GSE1: variants seen among roughly 807,000 people sequenced by gnomAD.
GSE1 encodes genetic suppressor element 1.
GSE1 carries 32 observed loss-of-function variants against 112.6 expected under a neutral mutation model. The ratio of observed to expected loss-of-function variants is 0.28; its 90% CI spans 0.21 to 0.38. The LOEUF is 0.38. Ranked by LOEUF, GSE1 falls within the 10% of genes least tolerant of loss-of-function variation. The pLI, the probability that GSE1 is intolerant of heterozygous loss-of-function variation, is 1.00. For missense variants in GSE1, 2,348 were observed against 1,699.2 expected (o/e 1.38, Z -6.71); for synonymous variants, 1,115 against 735.6 (o/e 1.52, Z -8.35).
At chr16:85,270,567 C>A (rs1033657483) in intron 1 of GSE1, among the ~76,000 whole-genome samples, 5 of 148,644 alleles carry the variant, frequency 3.4e-5, no homozygotes, top group African/African-American at 1.2e-4. Flanking sequence ...CAGTGGGGGC[C>A]GATTTTATTA....
intron 1 of GSE1, among the ~76,000 whole-genome samples, chr16:85,616,574 C>T (rs2048384463): frequency 6.6e-6 from 1 of 152,232 alleles, no homozygotes; most frequent in Non-Finnish European, 1.5e-5. Flanking sequence ...AACCACAGGG[C>T]TTCCCCTCCC....
At chr16:85,237,161 T>TA (rs1165869305) in intron 1 of GSE1, among the ~76,000 whole-genome samples, 1 of 151,924 alleles carries the variant, frequency 6.6e-6, no homozygotes, top group Non-Finnish European at 1.5e-5. Context: ...CCGCCTCTAC[T>TA]AAAAATAGAA....
chr16:85,267,886 G>A lies in GSE1; in HGVS notation c.2284-89577G>A, dbSNP rs1473156288. On this transcript the variant is annotated intron_variant, in intron 1 of 2. Coordinates refer to the GSE1 transcript ENST00000637419. ...AGATTCAAACCCCAGCTCTGCCACA[G>A]ACTAACCGTCGGCCCCAGCTAAGTG... 2.0e-5 allele frequency among the ~76,000 whole-genome samples: 3 copies of A among 152,214 alleles called. No individual in the cohort carries two copies. The East Asian group carries it at 5.8e-4, about 29-fold the overall frequency.
At chr16:85,483,610 T>C (rs1028570938) in intron 2 of GSE1, among the ~76,000 whole-genome samples, 1 of 152,250 alleles carries the variant, frequency 6.6e-6, no homozygotes, top group Non-Finnish European at 1.5e-5. Context: ...TGGTAGGCCC[T>C]GTGGGATCAA....
At chr16:85,531,438 C>T (rs1191611967) in intron 2 of GSE1, among the ~76,000 whole-genome samples, 1 of 152,046 alleles carries the variant, frequency 6.6e-6, no homozygotes, top group Non-Finnish European at 1.5e-5. Context: ...TCTCATAGGG[C>T]ATGTCTCTGT....
At chr16:85,215,698 T>G (rs2075296867) in intron 1 of GSE1, among the ~76,000 whole-genome samples, 1 of 152,234 alleles carries the variant, frequency 6.6e-6, no homozygotes, top group South Asian at 2.1e-4. Context: ...TGCCCCGCAC[T>G]GTTCCAGCAC....
chr16:85,641,757 T>C (rs1402275635), intron 2 of GSE1, among the ~76,000 whole-genome samples: 1 of 152,236 alleles, frequency 6.6e-6, no homozygotes, highest in African/African-American at 2.4e-5. Flanking sequence ...CCCGTTCCAC[T>C]GGGCAGATTT....
intron 1 of GSE1, among the ~76,000 whole-genome samples, chr16:85,590,345 G>A (rs979139654): frequency 6.7e-6 from 1 of 150,028 alleles, no homozygotes; most frequent in Non-Finnish European, 1.5e-5. Flanking sequence ...TGATTAACGC[G>A]TGGGCCTGCT....
In GSE1 at chr16:85,620,990, G is replaced by T. The variant is rs556672281; in HGVS notation, c.7+7592G>T. On this transcript the variant is annotated intron_variant, in intron 1 of 15. Coordinates refer to ENST00000253458, the MANE Select transcript of GSE1 (RefSeq NM_014615.5). ...CCCGTGTAGATGGTCTCGGCCCGGG[G>T]TCTCTGCTGTGTTGGGGAATCCGTT... Among the ~76,000 whole-genome samples, 43 of 151,228 alleles carry T rather than the reference G, an allele frequency of 2.8e-4. No individual in the cohort carries two copies. The East Asian group carries it at 4.3e-3, about 15-fold the overall frequency.
chr16:85,343,465 T>G (rs1365629029), intron 1 of GSE1, among the ~76,000 whole-genome samples: 1 of 152,082 alleles, frequency 6.6e-6, no homozygotes, highest in Non-Finnish European at 1.5e-5. Flanking sequence ...GCTTAAAAAG[T>G]TTGCCCGGCC....
At chr16:85,252,948 G>A (rs984920938) in intron 1 of GSE1, among the ~76,000 whole-genome samples, 3 of 152,176 alleles carry the variant, frequency 2.0e-5, no homozygotes, top group East Asian at 1.9e-4. Flanking sequence ...CCACAGGGAG[G>A]TGGAAGGGAA....
chr16:85,301,912 C>A (rs907082300), intron 1 of GSE1, among the ~76,000 whole-genome samples: 1 of 152,370 alleles, frequency 6.6e-6, no homozygotes, highest in African/African-American at 2.4e-5. Context: ...CAAGCCTTGT[C>A]TGGAAATCAG....
intron 11 of GSE1, among the ~76,000 whole-genome samples, chr16:85,664,379 C>T (rs957720410): frequency 2.6e-5 from 4 of 151,970 alleles, no homozygotes; most frequent in Admixed American, 1.3e-4. Context: ...TAGCCGTTTA[C>T]TTTCTCCTTT....
intron 2 of GSE1, among the ~76,000 whole-genome samples, chr16:85,488,389 G>A (rs750237042): frequency 1.4e-4 from 22 of 152,146 alleles, no homozygotes; most frequent in Non-Finnish European, 3.1e-4. Flanking sequence ...TGTGGTTGTC[G>A]CACATTCATT....
exon 1 of GSE1, chr16:85,556,121 G>A: frequency 1.9e-5 from 18 of 972,072 alleles, no homozygotes; most frequent in Non-Finnish European, 2.1e-5. Flanking sequence ...CGGAGAGAGA[G>A]CCTTTTGATC....
chr16:85,496,729 G>A (rs994190337), intron 2 of GSE1, among the ~76,000 whole-genome samples: 81 of 152,340 alleles, frequency 5.3e-4, no homozygotes, highest in African/African-American at 1.8e-3. Context: ...AGTGATGGTC[G>A]GGGGTGCACG....
intron 2 of GSE1, among the ~76,000 whole-genome samples, chr16:85,446,905 C>T (rs1040651736): frequency 3.0e-4 from 46 of 152,164 alleles, no homozygotes; most frequent in Non-Finnish European, 6.0e-4. Flanking sequence ...TCCCTCTGCA[C>T]GGGCACACCC....
rs772806658 is a variant in GSE1 at position 85,655,774 on chromosome 16, C to G, written c.846C>G (p.Pro282=). The part of the protein sequence containing the change: ...CLSALRSPFY[P]IPTPGSLPPL... ...CTGCCCTGAGGTCCCCGTTCTACCCCATCCCCACCCCCGGCTCCCTGCCCC... is the reference window on the plus strand; with the variant it reads ...CTGCCCTGAGGTCCCCGTTCTACCCGATCCCCACCCCCGGCTCCCTGCCCC... Residue 282 remains proline (P), a synonymous_variant, in exon 6 of 16, where the codon CCC becomes CCG. Coordinates refer to ENST00000253458, the MANE Select transcript of GSE1 (RefSeq NM_014615.5). 2 of 1,610,086 alleles carry G rather than the reference C, an allele frequency of 1.2e-6. No homozygotes were observed. Among genetic ancestry groups the G allele is most frequent in the South Asian group, 1.1e-5 (1 of 90,872 alleles).
chr16:85,613,367 C>G lies in GSE1; in HGVS notation c.-25C>G, dbSNP rs760153456. ...GACGGTGGCTCCAGCATGTATCAGC[C>G]GAGGTGGAGCTGCGGGGCCCTGGCA... On this transcript the variant is annotated 5_prime_UTR_variant, in exon 1 of 16. Coordinates refer to ENST00000253458, the MANE Select transcript of GSE1 (RefSeq NM_014615.5). The G allele has an allele frequency of 3.2e-6, 5 of 1,569,694 alleles. No homozygotes were observed. The highest frequency in any genetic ancestry group is 2.3e-5 in the South Asian group (2 of 85,596).
Sources: gnomAD v4.1 joint callset for allele counts (sites outside exome capture counted in the v4.1 genomes callset) on GRCh38, gnomAD v4.1.1 for gene constraint, MANE v1.5 for transcripts, NCBI Gene and HGNC (gene_info 2026-07-23, HGNC 2026-07-21) for gene names.